The following LRRC37A2 variants were observed in gnomAD, a reference collection of about 807,000 sequenced individuals.
LRRC37A2 encodes the protein leucine rich repeat containing 37 member A2.
LRRC37A2 carries 9 observed loss-of-function variants against 68.8 expected under a neutral mutation model. That is an observed-to-expected ratio of 0.13 (90% CI 0.08 to 0.23). LRRC37A2 has a LOEUF of 0.23. LRRC37A2 is among the 10% of genes least tolerant of loss of function. LRRC37A2 has a pLI of 1.00. For missense variants in LRRC37A2, 168 were observed against 950.4 expected (o/e 0.18, Z 10.82); for synonymous variants, 63 against 367.6 (o/e 0.17, Z 9.48).
At chr17:47,030,063 AAAT>A in the LRRC37A2 span, among the ~76,000 whole-genome samples, 374 of 75,320 alleles carry the variant, frequency 5.0e-3, 10 homozygotes, top group African/African-American at 9.2e-3. Context: ...ACTCTGTCTC[AAAT>A]AATAATAATA....
At chr17:46,734,033 G>C in the LRRC37A2 span, among the ~76,000 whole-genome samples, 1 of 152,164 alleles carries the variant, frequency 6.6e-6, no homozygotes, top group Non-Finnish European at 1.5e-5. Context: ...CATGAGTTTT[G>C]TTTTTAACAT....
chr17:46,755,934 C>G, the LRRC37A2 span: 1 of 1,019,738 alleles, frequency 9.8e-7, no homozygotes, highest in Non-Finnish European at 1.5e-6. Flanking sequence ...CGTTCTCTAC[C>G]TTCAACATGT....
At chr17:46,974,987 CT>C in the LRRC37A2 span, among the ~76,000 whole-genome samples, 488 of 118,984 alleles carry the variant, frequency 4.1e-3, 3 homozygotes, top group African/African-American at 0.014. Flanking sequence ...TTACTATTTT[CT>C]TTTTTTTTTT....
chr17:47,018,489 T>C, the LRRC37A2 span: 1 of 1,525,346 alleles, frequency 6.6e-7, no homozygotes, highest in South Asian at 1.1e-5. Context: ...GGGAAATTCT[T>C]TAGTCCACCA....
At chr17:46,923,308 C>T in the LRRC37A2 span, 8 of 1,545,818 alleles carry the variant, frequency 5.2e-6, no homozygotes, top group East Asian at 2.0e-4. Context: ...CGGACGTCAG[C>T]CAGGGTAGAG....
At chr17:46,673,340 A>AT in the LRRC37A2 span, among the ~76,000 whole-genome samples, 1 of 109,018 alleles carries the variant, frequency 9.2e-6, no homozygotes, top group African/African-American at 3.2e-5. Context: ...TTCATTTCAG[A>AT]TAAGGACAAA....
At chr17:46,521,113 A>T (rs1356870490) in intron 4 of LRRC37A2, among the ~76,000 whole-genome samples, 1 of 76,140 alleles carries the variant, frequency 1.3e-5, no homozygotes, top group Non-Finnish European at 3.5e-5. Flanking sequence ...TTCACTAATT[A>T]CAAAATAACG....
At chr17:47,002,682 G>A in the LRRC37A2 span, among the ~76,000 whole-genome samples, 98,725 of 151,950 alleles carry the variant, frequency 0.65, 32,119 homozygotes, top group East Asian at 0.84. Flanking sequence ...GAGCCACCAC[G>A]CCTGGCCATT....
At chr17:46,768,329 G>A in the LRRC37A2 span, 1 of 1,613,666 alleles carries the variant, frequency 6.2e-7, no homozygotes, top group Non-Finnish European at 8.5e-7. This position sits in a 1 kb window ranked among gnomAD's most constrained non-coding sequence, Gnocchi z 5.0. Context: ...CCTACTTGCA[G>A]GTGTGCACGT....
chr17:46,914,275 C>A, the LRRC37A2 span, among the ~76,000 whole-genome samples: 122 of 152,072 alleles, frequency 8.0e-4, no homozygotes, highest in African/African-American at 2.8e-3. Flanking sequence ...AAAAATAATC[C>A]GAAAGTGCGC....
At chr17:46,789,189 T>C in the LRRC37A2 span, among the ~76,000 whole-genome samples, 3 of 152,082 alleles carry the variant, frequency 2.0e-5, no homozygotes, top group Non-Finnish European at 2.9e-5. Context: ...ATTCTCCTCT[T>C]TATGGGGGCC....
At chr17:46,955,494 C>T in the LRRC37A2 span, 4 of 152,118 alleles carry the variant, frequency 2.6e-5, no homozygotes, top group Admixed American at 6.5e-5. Context: ...TGTTGTGTCT[C>T]TGCCAGAGCC....
At chr17:46,737,952 A>ATTG in the LRRC37A2 span, among the ~76,000 whole-genome samples, 3,832 of 139,920 alleles carry the variant, frequency 0.027, 349 homozygotes, top group East Asian at 0.31. Context: ...TATTATTATT[A>ATTG]GAGATAGGAT....
the LRRC37A2 span, among the ~76,000 whole-genome samples, chr17:46,785,586 C>T: frequency 2.0e-5 from 3 of 152,260 alleles, no homozygotes; most frequent in Non-Finnish European, 2.9e-5. Flanking sequence ...CAACTCCCTT[C>T]TGCCCGCAGC....
chr17:47,028,443 C>T, the LRRC37A2 span: 2 of 871,714 alleles, frequency 2.3e-6, no homozygotes, highest in South Asian at 2.8e-5. Flanking sequence ...TGGGTATAAG[C>T]CCATTATCAA....
At chr17:46,755,630 A>G in the LRRC37A2 span, 2 of 728,176 alleles carry the variant, frequency 2.7e-6, no homozygotes. Context: ...TTTTACATGC[A>G]TGGAGCTGTG....
At chr17:46,934,399 A>G in the LRRC37A2 span, among the ~76,000 whole-genome samples, 8 of 152,262 alleles carry the variant, frequency 5.3e-5, no homozygotes, top group South Asian at 8.3e-4. Context: ...GCATGCACCT[A>G]TGGTCCCAGC....
chr17:47,037,148 G>C, the LRRC37A2 span, among the ~76,000 whole-genome samples: 3 of 147,348 alleles, frequency 2.0e-5, no homozygotes, highest in African/African-American at 7.5e-5. Context: ...AAATTAGCAG[G>C]GGGTGGTGGC....
the LRRC37A2 span, among the ~76,000 whole-genome samples, chr17:46,711,923 T>C: frequency 6.6e-6 from 1 of 152,154 alleles, no homozygotes; most frequent in Non-Finnish European, 1.5e-5. Flanking sequence ...GAGATTATCC[T>C]GACATGAGAC....
Sources: gnomAD v4.1 joint callset for allele counts (sites outside exome capture counted in the v4.1 genomes callset) on GRCh38, gnomAD v4.1.1 for gene constraint, Gnocchi (gnomAD v3.1) non-coding constraint, MANE v1.5 for transcripts, NCBI Gene and HGNC (gene_info 2026-07-23, HGNC 2026-07-21) for gene names.